The following SP3 variants were observed in gnomAD, a reference collection of about 807,000 sequenced individuals.
SP3 encodes the protein transcription factor Sp3.
In SP3, 10 loss-of-function variants were observed where a neutral mutation model predicts 70.3. The observed-to-expected ratio is 0.14, with a 90% confidence interval of 0.09 to 0.24. SP3 has a LOEUF of 0.24. SP3 is among the 10% of genes least tolerant of loss of function. The probability of loss-of-function intolerance (pLI) is 1.00; values close to 1 mark genes in which losing one functional copy is unlikely to be tolerated. For missense variants in SP3, 825 were observed against 914.6 expected, an observed-to-expected ratio of 0.90 and a Z score of 1.26; for synonymous variants, 402 against 333.5, an observed-to-expected ratio of 1.21 and a Z score of -2.24.
chr2:173,959,138 C>T (rs1213962965), intron 3 of SP3, among the ~76,000 whole-genome samples: 1 of 151,966 alleles, frequency 6.6e-6, no homozygotes, highest in Non-Finnish European at 1.5e-5. Flanking sequence ...TATTAAGAGC[C>T]TTCTATGAAA....
At chr2:173,936,863 T>C (rs1690222615) in intron 4 of SP3, among the ~76,000 whole-genome samples, 1 of 152,026 alleles carries the variant, frequency 6.6e-6, no homozygotes, top group Non-Finnish European at 1.5e-5. Flanking sequence ...TATACAAATC[T>C]AGATTCCCCA....
intron 4 of SP3, among the ~76,000 whole-genome samples, chr2:173,919,683 C>T (rs1689694835): frequency 6.6e-6 from 1 of 152,070 alleles, no homozygotes; most frequent in South Asian, 2.1e-4. Context: ...ACAGAAATGA[C>T]GAGAAATTTT....
intron 4 of SP3, among the ~76,000 whole-genome samples, chr2:173,949,452 A>AC: frequency 6.6e-6 from 1 of 152,260 alleles, no homozygotes; most frequent in Non-Finnish European, 1.5e-5. Flanking sequence ...CACTGCCAAG[A>AC]CACTATAGGA....
intron 4 of SP3, among the ~76,000 whole-genome samples, chr2:173,927,411 G>A (rs1413616529): frequency 2.0e-5 from 3 of 151,752 alleles, no homozygotes; most frequent in Non-Finnish European, 2.9e-5. Context: ...CGAGTAGCTG[G>A]GACTACAAGT....
chr2:173,965,060 C>A (rs534176694), intron 1 of SP3, 105 bp downstream of exon 1: 1 of 1,440,108 alleles, frequency 6.9e-7, no homozygotes, highest in Non-Finnish European at 9.5e-7. Flanking sequence ...GACACTCGGT[C>A]GCACACACGG....
At chr2:173,931,755 T>G (rs1358730162) in intron 4 of SP3, among the ~76,000 whole-genome samples, 2 of 152,232 alleles carry the variant, frequency 1.3e-5, no homozygotes, top group Admixed American at 6.5e-5. Context: ...TGGAAACAGT[T>G]TCTTTCCTTA....
chr2:173,920,161 C>G (rs941649823), intron 4 of SP3, among the ~76,000 whole-genome samples: 1 of 151,814 alleles, frequency 6.6e-6, no homozygotes, highest in Non-Finnish European at 1.5e-5. Context: ...AAGAAATTTT[C>G]ATTTATATAA....
At chr2:173,932,585 C>A (rs116120482) in intron 4 of SP3, among the ~76,000 whole-genome samples, 2 of 152,294 alleles carry the variant, frequency 1.3e-5, no homozygotes, top group Admixed American at 6.5e-5. Context: ...TCAGAACATA[C>A]AACCTTTATA....
chr2:173,918,216 G>A (rs1689659324), intron 5 of SP3, among the ~76,000 whole-genome samples: 2 of 151,878 alleles, frequency 1.3e-5, no homozygotes, highest in Admixed American at 6.6e-5. Flanking sequence ...AAATACTTAT[G>A]CTTATCAGCC....
chr2:173,963,312 T>C (rs993353986), intron 3 of SP3: 1 of 152,194 alleles, frequency 6.6e-6, no homozygotes, highest in Admixed American at 6.5e-5. Context: ...TTTTTAATAA[T>C]GTATGATTTA....
intron 2 of SP3, 22 bp from the exon 3 acceptor site, chr2:173,963,905 A>T: frequency 6.9e-7 from 1 of 1,448,344 alleles, no homozygotes. Context: ...GGGCGGGTTC[A>T]GAGAGGGAGA....
chr2:173,947,026 C>A (rs2105489182), intron 4 of SP3, among the ~76,000 whole-genome samples: 1 of 152,120 alleles, frequency 6.6e-6, no homozygotes, highest in South Asian at 2.1e-4. Context: ...CCTAGCTGGG[C>A]TATCATTCCT....
intron 4 of SP3, among the ~76,000 whole-genome samples, chr2:173,935,151 C>G (rs1690174356): frequency 1.3e-5 from 2 of 152,130 alleles, no homozygotes; most frequent in Admixed American, 1.3e-4. Flanking sequence ...GGAGAACTGA[C>G]TGAGCCCAGG....
Position 173,950,606 on chromosome 2 carries a change from C to T in SP3, c.1639+4267G>A, listed in dbSNP as rs542864775. Among the ~76,000 whole-genome samples the T allele has an allele frequency of 2.0e-5, 3 of 150,380 alleles. No individual in the cohort carries two copies. In the South Asian group the frequency reaches 6.3e-4, roughly 31 times the overall value. On this transcript the variant is annotated intron_variant, in intron 4 of 6. Transcript: ENST00000310015. ...AGGCCAGGAGTTTGAGATCACAATG[C>T]GTTATAATCATGCCACTGCACTCCA...
At chr2:173,920,729 T>G (rs941081214) in intron 4 of SP3, among the ~76,000 whole-genome samples, 2 of 152,088 alleles carry the variant, frequency 1.3e-5, no homozygotes, top group Non-Finnish European at 2.9e-5. Context: ...TAGCTGGGAT[T>G]ACAGGTGCCC....
At chr2:173,949,023 C>A (rs1442318188) in intron 4 of SP3, among the ~76,000 whole-genome samples, 1 of 152,098 alleles carries the variant, frequency 6.6e-6, no homozygotes, top group Non-Finnish European at 1.5e-5. Context: ...AAAAGTCTTA[C>A]ACAACAACCT....
chr2:173,914,162 C>A (rs1689565718), intron 5 of SP3: 1 of 84,516 alleles, frequency 1.2e-5, no homozygotes, highest in Non-Finnish European at 2.5e-5. Context: ...ATTTCTCAAC[C>A]TTTTAAAATA....
chr2:173,959,857 G>A (rs78104873), intron 3 of SP3, among the ~76,000 whole-genome samples: 4,237 of 152,322 alleles, frequency 0.028, 221 homozygotes, highest in African/African-American at 0.097. Context: ...CTATGTCTAC[G>A]TAAGTTTACA....
intron 4 of SP3, among the ~76,000 whole-genome samples, chr2:173,935,842 T>C (rs1427074256): frequency 1.3e-5 from 2 of 150,444 alleles, no homozygotes; most frequent in African/African-American, 4.8e-5. Context: ...GTGCCAATGA[T>C]ATAACTTTAA....
Sources: gnomAD v4.1 joint callset for allele counts (sites outside exome capture counted in the v4.1 genomes callset) on GRCh38, gnomAD v4.1.1 for gene constraint, MANE v1.5 for transcripts, NCBI Gene and HGNC (gene_info 2026-07-23, HGNC 2026-07-21) for gene names.